Variants in NME7 observed in about 807,000 individuals in gnomAD.
NME7 encodes the protein NME/NM23 family member 7, also known as nucleoside diphosphate kinase 7.
In NME7, 41 loss-of-function variants were observed where a neutral mutation model predicts 49.1. The observed-to-expected ratio is 0.83, with a 90% CI of 0.65 to 1.08. The LOEUF (loss-of-function observed/expected upper bound fraction) is 1.08, where lower values mean the gene tolerates loss of function less well. Ranked by LOEUF, NME7 falls within the 50% of genes least tolerant of loss-of-function variation. The pLI, the probability that NME7 is intolerant of heterozygous loss-of-function variation, is 0.00. For missense variants in NME7, 423 were observed against 463.4 expected (o/e 0.91, Z 0.80); for synonymous variants, 139 against 150.6 (o/e 0.92, Z 0.56).
chr1:169,204,729 T>C (rs1660629974), intron 10 of NME7, among the ~76,000 whole-genome samples: 1 of 152,126 alleles, frequency 6.6e-6, no homozygotes, highest in Admixed American at 6.6e-5. Context: ...CCATTGTCTG[T>C]AAACTTATCT....
chr1:169,214,903 G>A (rs1660932975), intron 10 of NME7, among the ~76,000 whole-genome samples: 1 of 152,264 alleles, frequency 6.6e-6, no homozygotes, highest in Admixed American at 6.5e-5. Context: ...GGACAGCAGT[G>A]TGTTACCAGC....
chr1:169,310,402 A>T (rs1651338458), intron 3 of NME7, among the ~76,000 whole-genome samples: 1 of 152,206 alleles, frequency 6.6e-6, no homozygotes, highest in Non-Finnish European at 1.5e-5. Context: ...TACATTTTAT[A>T]CAAAGGACTA....
At chr1:169,151,926 T>C (rs1658927045) in intron 11 of NME7, among the ~76,000 whole-genome samples, 1 of 152,214 alleles carries the variant, frequency 6.6e-6, no homozygotes, top group African/African-American at 2.4e-5. Context: ...CCATGATAAA[T>C]TTCCAATTTA....
At chr1:169,259,038 A>G (rs2101860825) in intron 7 of NME7, among the ~76,000 whole-genome samples, 1 of 134,326 alleles carries the variant, frequency 7.4e-6, no homozygotes, top group South Asian at 2.3e-4. Flanking sequence ...TCCTTTGGCC[A>G]TGGAAAAGGT....
intron 1 of NME7, among the ~76,000 whole-genome samples, chr1:169,329,302 A>C (rs566183364): frequency 6.6e-6 from 1 of 152,074 alleles, no homozygotes; most frequent in Admixed American, 6.5e-5. Context: ...GAAAAAGTTC[A>C]AAACACTTTT....
intron 10 of NME7, among the ~76,000 whole-genome samples, chr1:169,214,450 C>T (rs981683927): frequency 6.6e-6 from 1 of 151,990 alleles, no homozygotes; most frequent in Non-Finnish European, 1.5e-5. Flanking sequence ...TGAATTTTTG[C>T]CATTTCAAAA....
chr1:169,262,613 A>T (rs551849080), intron 7 of NME7, among the ~76,000 whole-genome samples: 3 of 132,844 alleles, frequency 2.3e-5, no homozygotes, highest in African/African-American at 7.6e-5. Flanking sequence ...GAGAACAAAG[A>T]GGGGCAAAGC....
intron 3 of NME7, among the ~76,000 whole-genome samples, chr1:169,320,990 T>C (rs538738368): frequency 1.3e-5 from 2 of 152,312 alleles, no homozygotes; most frequent in Admixed American, 1.3e-4. Flanking sequence ...ACAAGTTACT[T>C]ACCCATTCTA....
At chr1:169,250,391 T>G (rs140650535) in intron 7 of NME7, among the ~76,000 whole-genome samples, 63 of 152,240 alleles carry the variant, frequency 4.1e-4, no homozygotes, top group African/African-American at 1.4e-3. Flanking sequence ...CTATCAACTT[T>G]GTTTATCTTT....
chr1:169,365,902 T>C (rs1158874041), intron 1 of NME7, among the ~76,000 whole-genome samples: 1 of 152,192 alleles, frequency 6.6e-6, no homozygotes, highest in Non-Finnish European at 1.5e-5. Flanking sequence ...GTTTAGGTTA[T>C]AATATAGTAG....
chr1:169,335,240 T>G lies in NME7; in HGVS notation c.4-10740A>C, dbSNP rs559756362. On this transcript the variant is annotated intron_variant, in intron 1 of 11. Transcript: ENST00000367811. ...CCCAAAGGAATATAAATTATTCTAC[T>G]ATAAAGACACATGCACACATATGTT... Among the ~76,000 whole-genome samples, 5 of 152,332 alleles carry G rather than the reference T, an allele frequency of 3.3e-5. No individual in the cohort carries two copies. The South Asian group carries it at 1.0e-3, about 32-fold the overall frequency.
chr1:169,252,890 C>A (rs1648698489), intron 7 of NME7, among the ~76,000 whole-genome samples: 1 of 149,350 alleles, frequency 6.7e-6, no homozygotes, highest in Non-Finnish European at 1.5e-5. Flanking sequence ...GGTGTTATTT[C>A]TGAGGGCTCT....
intron 6 of NME7, among the ~76,000 whole-genome samples, chr1:169,298,301 AG>A (rs1461497577): frequency 2.6e-5 from 4 of 152,354 alleles, no homozygotes; most frequent in Admixed American, 2.6e-4. Flanking sequence ...CAGTAATTTA[AG>A]TCTTGGGAAC....
At chr1:169,300,218 A>C (rs1400363014) in intron 5 of NME7, among the ~76,000 whole-genome samples, 1 of 152,186 alleles carries the variant, frequency 6.6e-6, no homozygotes, top group African/African-American at 2.4e-5. Context: ...TTAGACTAGG[A>C]GTTGTAAGTT....
At chr1:169,224,021 A>G (rs1049989352) in intron 10 of NME7, among the ~76,000 whole-genome samples, 5 of 152,234 alleles carry the variant, frequency 3.3e-5, no homozygotes, top group African/African-American at 1.2e-4. Context: ...TATTTGATGA[A>G]TTCTACCACA....
chr1:169,361,779 C>T (rs1292730678), intron 1 of NME7, among the ~76,000 whole-genome samples: 1 of 143,374 alleles, frequency 7.0e-6, no homozygotes, highest in Non-Finnish European at 1.5e-5. Context: ...AAAACTCTGT[C>T]TAAAAAAAAA....
intron 1 of NME7, among the ~76,000 whole-genome samples, chr1:169,330,641 T>G (rs2101946373): frequency 6.6e-6 from 1 of 152,236 alleles, no homozygotes; most frequent in South Asian, 2.1e-4. Flanking sequence ...ATCGCACCAC[T>G]GCACTCCAGT....
chr1:169,142,088 T>A (rs957022920), intron 11 of NME7, among the ~76,000 whole-genome samples: 1 of 152,194 alleles, frequency 6.6e-6, no homozygotes, highest in Non-Finnish European at 1.5e-5. Flanking sequence ...ACCACCTGAC[T>A]CCAGAGTCTG....
At chr1:169,180,560 T>C (rs1659895564) in intron 10 of NME7, among the ~76,000 whole-genome samples, 1 of 152,232 alleles carries the variant, frequency 6.6e-6, no homozygotes, top group African/African-American at 2.4e-5. Flanking sequence ...AAAGTTGCAG[T>C]AAGCAGCTAA....
Sources: gnomAD v4.1 joint callset for allele counts (sites outside exome capture counted in the v4.1 genomes callset) on GRCh38, gnomAD v4.1.1 for gene constraint, MANE v1.5 for transcripts, NCBI Gene and HGNC (gene_info 2026-07-23, HGNC 2026-07-21) for gene names.